Variants in KIF13B observed in about 807,000 individuals in gnomAD.
The protein encoded by KIF13B is kinesin family member 13B.
Under a neutral mutation model 222.0 loss-of-function variants are expected in KIF13B, and 127 were observed. That is an observed-to-expected ratio of 0.57 (90% CI 0.50 to 0.66). The LOEUF is 0.66. KIF13B is among the 30% of genes least tolerant of loss of function. KIF13B has a pLI of 0.00. For synonymous variants in KIF13B, 976 were observed against 919.0 expected, an observed-to-expected ratio of 1.06 and a Z score of -1.12; for missense variants, 2,173 against 2,379.0, an observed-to-expected ratio of 0.91 and a Z score of 1.80.
At chr8:29,225,544 T>C (rs980821683) in intron 2 of KIF13B, among the ~76,000 whole-genome samples, 12 of 152,058 alleles carry the variant, frequency 7.9e-5, no homozygotes, top group African/African-American at 2.9e-4. Flanking sequence ...CAGGAACAGG[T>C]GAAAAAAACT....
Position 29,119,003 on chromosome 8 carries a change from A to C in KIF13B, c.3536-11T>G. 6.2e-7 allele frequency: 1 copy of C among 1,611,478 alleles called. No homozygotes were observed. The highest frequency in any genetic ancestry group is 1.1e-5 in the South Asian group (1 of 90,370). On this transcript the variant is annotated splice_polypyrimidine_tract_variant and intron_variant, in intron 29 of 39. Coordinates refer to ENST00000524189, the MANE Select transcript of KIF13B (RefSeq NM_015254.4). Reference sequence around the variant, plus strand: ...AGCTGAAATCATCAGCTAAAAGCAAAGAAGTTCCATTAAATACTGAGATCA... The same window carrying C: ...AGCTGAAATCATCAGCTAAAAGCAACGAAGTTCCATTAAATACTGAGATCA...
Position 29,070,223 on chromosome 8 carries a change from A to C in KIF13B, c.*281T>G. 2.0e-6 allele frequency: 1 copy of C among 509,996 alleles called. No homozygotes were observed. The highest frequency in any genetic ancestry group is 3.5e-6 in the Non-Finnish European group (1 of 288,686). The allele number at this position is 509,996 out of a possible 1,614,324, so 31.6% of individuals were successfully genotyped here. On this transcript the variant is annotated 3_prime_UTR_variant, in exon 40 of 40. Coordinates refer to ENST00000524189, the MANE Select transcript of KIF13B (RefSeq NM_015254.4). The surrounding 1 kb of genome is among the most constrained non-coding windows in gnomAD (Gnocchi z 4.1). ...ACACAGCAAGATCACCAGGCGCTGC[A>C]CCACCCAGGGTCTCAGTCCTAGCAT...
chr8:29,256,532 C>T (rs1816484843), intron 1 of KIF13B, among the ~76,000 whole-genome samples: 1 of 152,200 alleles, frequency 6.6e-6, no homozygotes, highest in South Asian at 2.1e-4. Context: ...ATCTTATTAT[C>T]AACAAGACTG....
At chr8:29,226,761 CTTTCAT>C (rs1187176943) in intron 2 of KIF13B, among the ~76,000 whole-genome samples, 1 of 152,198 alleles carries the variant, frequency 6.6e-6, no homozygotes, top group African/African-American at 2.4e-5. Context: ...TAAATTTTCA[CTTTCAT>C]TTTGACAGAC....
Position 29,070,385 on chromosome 8 carries a change from G to T in KIF13B, c.*119C>A. On this transcript the variant is annotated 3_prime_UTR_variant, in exon 40 of 40. Transcript: ENST00000524189. The surrounding 1 kb of genome is among the most constrained non-coding windows in gnomAD (Gnocchi z 4.1). Reference sequence around the variant, plus strand: ...TCACCAGCCCTGTGTCGTGCAAAAAGCATTCATCGCCCTGCCCCTGGGGAA... The same window carrying T: ...TCACCAGCCCTGTGTCGTGCAAAAATCATTCATCGCCCTGCCCCTGGGGAA... The T allele has an allele frequency of 8.9e-7, 1 of 1,127,906 alleles. No homozygotes were observed. The highest frequency in any genetic ancestry group is 1.3e-6 in the Non-Finnish European group (1 of 790,430). 69.9% of individuals were successfully genotyped at this position (1,127,906 alleles called of 1,614,324 possible). A position where few individuals can be genotyped will look rare whatever the true frequency, so the allele number is the denominator to read the frequency against.
At chr8:29,183,387 A>C (rs1018452170) in intron 6 of KIF13B, among the ~76,000 whole-genome samples, 3 of 152,006 alleles carry the variant, frequency 2.0e-5, no homozygotes, top group East Asian at 1.9e-4. Flanking sequence ...CCTGACCCCA[A>C]GTGATCTGCC....
At chr8:29,187,256 G>A (rs920630597) in intron 5 of KIF13B, among the ~76,000 whole-genome samples, 14 of 152,200 alleles carry the variant, frequency 9.2e-5, no homozygotes, top group Admixed American at 1.3e-4. Context: ...GGCTGAATGC[G>A]GTGGCTCACG....
intron 5 of KIF13B, among the ~76,000 whole-genome samples, 183 bp downstream of exon 5, chr8:29,188,332 C>T (rs967039098): frequency 6.6e-6 from 1 of 152,176 alleles, no homozygotes; most frequent in African/African-American, 2.4e-5. Context: ...GATAAAAGAT[C>T]CCAATCCTAA....
At chr8:29,091,646 G>A (rs560266252) in intron 37 of KIF13B, among the ~76,000 whole-genome samples, 3 of 152,288 alleles carry the variant, frequency 2.0e-5, no homozygotes, top group South Asian at 2.1e-4. Flanking sequence ...ACTGAATAAC[G>A]TACAAAATAA....
At chr8:29,163,980 A>G (rs1208093118) in intron 12 of KIF13B, among the ~76,000 whole-genome samples, 2 of 152,228 alleles carry the variant, frequency 1.3e-5, no homozygotes, top group South Asian at 4.1e-4. Flanking sequence ...GAAATAGTTT[A>G]TACACTGATC....
intron 2 of KIF13B, among the ~76,000 whole-genome samples, chr8:29,205,796 A>T (rs934560022): frequency 1.3e-5 from 2 of 152,108 alleles, no homozygotes; most frequent in Non-Finnish European, 2.9e-5. Context: ...TTCAAATTAA[A>T]AAGAGGCCAG....
At chr8:29,177,805 G>A (rs1812545541) in intron 8 of KIF13B, among the ~76,000 whole-genome samples, 1 of 151,974 alleles carries the variant, frequency 6.6e-6, no homozygotes, top group African/African-American at 2.4e-5. Context: ...AGCTACTTGG[G>A]AAACTGAGGT....
At chr8:29,201,715 G>A (rs717022) in intron 2 of KIF13B, among the ~76,000 whole-genome samples, 20,132 of 152,120 alleles carry the variant, frequency 0.13, 1,484 homozygotes, top group South Asian at 0.15. Context: ...ACCCCAACCC[G>A]CTGTATAACG....
At chr8:29,224,158 A>C (rs986835260) in intron 2 of KIF13B, among the ~76,000 whole-genome samples, 1 of 120,662 alleles carries the variant, frequency 8.3e-6, no homozygotes, top group Non-Finnish European at 1.8e-5. Context: ...CGCCCGGCTA[A>C]TTTTTGTGTG....
intron 17 of KIF13B, 92 bp from the exon 18 acceptor site, chr8:29,146,632 A>G: frequency 1.7e-6 from 2 of 1,176,666 alleles, no homozygotes; most frequent in Non-Finnish European, 2.4e-6. Flanking sequence ...CATCATTGCC[A>G]AAGTGTGAAT....
chr8:29,253,602 C>G (rs912485212), intron 1 of KIF13B, among the ~76,000 whole-genome samples: 1 of 151,816 alleles, frequency 6.6e-6, no homozygotes, highest in Non-Finnish European at 1.5e-5. Context: ...CCTCAGAAGA[C>G]TAAGAAACAG....
intron 37 of KIF13B, among the ~76,000 whole-genome samples, chr8:29,091,969 A>G (rs1434946537): frequency 1.3e-5 from 2 of 152,250 alleles, no homozygotes; most frequent in Admixed American, 1.3e-4. Flanking sequence ...ACACTTAGAA[A>G]ATTCTTTAGT....
intron 8 of KIF13B, among the ~76,000 whole-genome samples, chr8:29,179,147 A>G (rs1420405032): frequency 6.6e-6 from 1 of 151,102 alleles, no homozygotes; most frequent in Non-Finnish European, 1.5e-5. Context: ...TTTTTGAGAC[A>G]GAGTCTTGCT....
At chr8:29,135,707 C>T (rs189403827) in intron 21 of KIF13B, among the ~76,000 whole-genome samples, 1 of 152,136 alleles carries the variant, frequency 6.6e-6, no homozygotes, top group Admixed American at 6.5e-5. Context: ...CCAACCTGGC[C>T]GACATGGTGA....
Sources: allele counts gnomAD v4.1 joint callset (sites outside exome capture counted in the v4.1 genomes callset), GRCh38; gene constraint gnomAD v4.1.1; non-coding constraint Gnocchi (gnomAD v3.1); transcripts MANE v1.5; gene names NCBI Gene and HGNC (gene_info 2026-07-23, HGNC 2026-07-21).